Variants in TTBK2 observed in about 807,000 individuals in gnomAD.
TTBK2 encodes tau-tubulin kinase 2.
Under a neutral mutation model 110.8 loss-of-function variants are expected in TTBK2, and 28 were observed. That is an observed-to-expected ratio of 0.25 (90% CI 0.19 to 0.35). The LOEUF (loss-of-function observed/expected upper bound fraction) is 0.35. Ranked by LOEUF, TTBK2 falls within the 10% of genes least tolerant of loss-of-function variation. The pLI is 1.00. For missense variants in TTBK2, 1,369 were observed against 1,500.3 expected (o/e 0.91, Z 1.45); for synonymous variants, 532 against 527.3 (o/e 1.01, Z -0.12).
At chr15:42,849,690 A>G (rs566804282) in intron 3 of TTBK2, among the ~76,000 whole-genome samples, 1 of 152,312 alleles carries the variant, frequency 6.6e-6, no homozygotes, top group Non-Finnish European at 1.5e-5. Context: ...TTCAGTTTTC[A>G]AAGCCTTTGC....
rs190887768 is a variant in TTBK2 at position 42,752,953 on chromosome 15, G to C, written c.2293C>G (p.Leu765Val). 19 of 1,614,156 alleles carry C rather than the reference G, an allele frequency of 1.2e-5. No individual in the cohort carries two copies. The highest frequency in any genetic ancestry group is 3.3e-4 in the Middle Eastern group (2 of 6,062). ...AGATTTTCAAATTCTCTCACAACCA[G>C]TCTATTATGATCAGGAAGTTCTTTT... is the stretch of plus-strand genomic sequence containing the variant. Reference protein sequence around the residue: ...GPKELPDHNRLVVREFENLPG... With the variant: ...GPKELPDHNRVVVREFENLPG... The change falls in exon 14 of 15, where the codon CTG (leucine) becomes GTG (valine). Residue 765 changes from leucine (L) to valine (V), a missense_variant. Leu to Val is a conservative substitution (Grantham distance 32, BLOSUM62 1). Transcript: ENST00000267890.
chr15:42,891,816 G>A (rs1895468009), intron 1 of TTBK2, among the ~76,000 whole-genome samples: 2 of 152,180 alleles, frequency 1.3e-5, no homozygotes, highest in Non-Finnish European at 2.9e-5. Context: ...TACTCAACCA[G>A]GGAAAATTTG....
At chr15:42,779,800 G>A (rs1294665782) in intron 11 of TTBK2, among the ~76,000 whole-genome samples, 1 of 152,012 alleles carries the variant, frequency 6.6e-6, no homozygotes, top group African/African-American at 2.4e-5. Flanking sequence ...GGCCAATACG[G>A]TGAAGCCCCA....
chr15:42,784,338 C>T (rs531811378), intron 10 of TTBK2, among the ~76,000 whole-genome samples: 55 of 152,094 alleles, frequency 3.6e-4, no homozygotes, highest in South Asian at 2.5e-3. Context: ...AGTGCAGTGA[C>T]GCGATCTCGG....
Position 42,775,269 on chromosome 15 carries a change from C to T in TTBK2, c.1864G>A (p.Ala622Thr), listed in dbSNP as rs1190736364. 1 of 1,614,220 alleles carries T rather than the reference C, an allele frequency of 6.2e-7. No individual in the cohort carries two copies. The highest frequency in any genetic ancestry group is 8.5e-7 in the Non-Finnish European group (1 of 1,180,046). ...ETSGVVLALS[A>T]EGPPTAASEQ... ...GAAGCAGCAGTAGGAGGACCCTCTG[C>T]AGAAAGTGCTAAGACCACACCTGAG... The change falls in exon 13 of 15, where the codon GCA (alanine) becomes ACA (threonine). Residue 622 changes from alanine (A) to threonine (T), a missense_variant. Physicochemically the swap from Ala to Thr is moderately conservative, Grantham distance 58. Around this residue, in one of 4 missense-constraint regions of TTBK2, gnomAD observed 1,097 missense variants for 1,114.7 expected, o/e 0.98. Transcript: ENST00000267890.
intron 1 of TTBK2, chr15:42,908,098 C>T (rs912870263): frequency 1.3e-5 from 2 of 151,602 alleles, no homozygotes; most frequent in Non-Finnish European, 2.9e-5. Context: ...AAAAACAAAG[C>T]TTTTAAAATA....
chr15:42,918,777 A>G (rs1320867793), intron 1 of TTBK2, among the ~76,000 whole-genome samples: 1 of 152,204 alleles, frequency 6.6e-6, no homozygotes, highest in Non-Finnish European at 1.5e-5. Flanking sequence ...GATTTCCTGA[A>G]GTATTAAAAT....
chr15:42,841,389 T>C lies in TTBK2; in HGVS notation c.218-956A>G, dbSNP rs543286203. Reference sequence around the variant, plus strand: ...CACACCTGGCTGATTTTTGTATTTTTTTGTAGAGATGGGGTTTTACCATAT... The same window carrying C: ...CACACCTGGCTGATTTTTGTATTTTCTTGTAGAGATGGGGTTTTACCATAT... On this transcript the variant is annotated intron_variant, in intron 3 of 14. Transcript: ENST00000267890. Among the ~76,000 whole-genome samples, 24 of 152,070 alleles carry C rather than the reference T, an allele frequency of 1.6e-4. 2 individuals carry two copies. In the South Asian group the frequency reaches 1.7e-3, roughly 11 times the overall value.
chr15:42,759,476 G>A (rs537159916), intron 13 of TTBK2, among the ~76,000 whole-genome samples: 1 of 152,284 alleles, frequency 6.6e-6, no homozygotes, highest in Admixed American at 6.5e-5. Context: ...CCATGTCCCT[G>A]GCCAGAGTAA....
intron 1 of TTBK2, among the ~76,000 whole-genome samples, chr15:42,907,399 T>A (rs1412007410): frequency 6.6e-6 from 1 of 152,212 alleles, no homozygotes; most frequent in Non-Finnish European, 1.5e-5. Context: ...TGCAGCACTA[T>A]TAACAACAGC....
chr15:42,788,336 C>A (rs1426914504), intron 10 of TTBK2, among the ~76,000 whole-genome samples: 1 of 152,026 alleles, frequency 6.6e-6, no homozygotes, highest in African/African-American at 2.4e-5. Flanking sequence ...GTGAATGTTC[C>A]AGGGGCCCCT....
At chr15:42,825,217 T>C (rs557036358) in intron 6 of TTBK2, among the ~76,000 whole-genome samples, 1 of 152,298 alleles carries the variant, frequency 6.6e-6, no homozygotes, top group South Asian at 2.1e-4. Flanking sequence ...GTTAAATTTA[T>C]AAGCTAAACA....
intron 3 of TTBK2, among the ~76,000 whole-genome samples, chr15:42,852,072 CTT>C (rs879407104): frequency 2.8e-4 from 40 of 141,674 alleles, no homozygotes; most frequent in Admixed American, 3.6e-4. Flanking sequence ...ATATTACCAA[CTT>C]TTTTTTTTTT....
At chr15:42,795,610 G>A (rs928537262) in intron 9 of TTBK2, among the ~76,000 whole-genome samples, 9 of 152,060 alleles carry the variant, frequency 5.9e-5, no homozygotes, top group Admixed American at 1.3e-4. Flanking sequence ...AGGATTTTGC[G>A]CAGGTCTGAT....
intron 9 of TTBK2, among the ~76,000 whole-genome samples, chr15:42,805,347 C>A (rs995913408): frequency 6.6e-6 from 1 of 151,906 alleles, no homozygotes; most frequent in Non-Finnish European, 1.5e-5. Flanking sequence ...AGAGTTGAAC[C>A]GAAGAAACTA....
chr15:42,786,169 T>G (rs1890406760), intron 10 of TTBK2, among the ~76,000 whole-genome samples: 1 of 152,082 alleles, frequency 6.6e-6, no homozygotes, highest in African/African-American at 2.4e-5. Flanking sequence ...TAAAGTAGTA[T>G]CTGTAGTTCT....
chr15:42,849,561 A>C (rs1206828843), intron 3 of TTBK2, among the ~76,000 whole-genome samples: 1 of 152,166 alleles, frequency 6.6e-6, no homozygotes, highest in East Asian at 1.9e-4. Flanking sequence ...ATGAGACTCT[A>C]GGTCTTATTC....
chr15:42,828,176 A>G (rs1446942687), intron 5 of TTBK2, 144 bp from the exon 6 acceptor site: 4 of 673,836 alleles, frequency 5.9e-6, no homozygotes, highest in Admixed American at 5.8e-5. Flanking sequence ...AATGATGTTT[A>G]GTGGTATTAA....
At chr15:42,831,107 C>T (rs1235193480) in intron 4 of TTBK2, among the ~76,000 whole-genome samples, 1 of 151,866 alleles carries the variant, frequency 6.6e-6, no homozygotes, top group Non-Finnish European at 1.5e-5. Context: ...TCATTACTGC[C>T]TAACATATAT....
Sources: allele counts gnomAD v4.1 joint callset (sites outside exome capture counted in the v4.1 genomes callset), GRCh38; gene constraint gnomAD v4.1.1; regional missense constraint gnomAD v4.1.1; transcripts MANE v1.5; gene names NCBI Gene and HGNC (gene_info 2026-07-23, HGNC 2026-07-21).